GALNT9: variants seen among roughly 807,000 people sequenced by gnomAD.
GALNT9 encodes GalNAc transferase 9.
GALNT9 carries 47 observed loss-of-function variants against 63.1 expected under a neutral mutation model. The observed-to-expected ratio is 0.75, with a 90% CI of 0.59 to 0.95. The LOEUF is 0.95. GALNT9 is among the 40% of genes least tolerant of loss of function. The pLI is 0.00. For missense variants in GALNT9, 829 were observed against 874.8 expected (o/e 0.95, Z 0.66); for synonymous variants, 396 against 365.7 (o/e 1.08, Z -0.94).
chr12:132,261,272 T>C lies in GALNT9; in HGVS notation c.587-150A>G. The C allele has an allele frequency of 1.2e-5, 15 of 1,257,036 alleles. No individual in the cohort carries two copies. In the South Asian group the frequency reaches 2.3e-4, roughly 19 times the overall value. The allele number at this position is 1,257,036 out of a possible 1,614,324, so 77.9% of individuals were successfully genotyped here. A position where few individuals can be genotyped will look rare whatever the true frequency, so the allele number is the denominator to read the frequency against. Reference sequence around the variant, plus strand: ...CCACTGAACCACATGTGGTTCAGCGTGGAGGTCACAGAGAGATGAGACCCC... The same window carrying C: ...CCACTGAACCACATGTGGTTCAGCGCGGAGGTCACAGAGAGATGAGACCCC... On this transcript the variant is annotated intron_variant, in intron 3 of 10. Transcript: ENST00000328957.
chr12:132,260,858 C>T (rs1311431103), intron 4 of GALNT9, 90 bp downstream of exon 4: 36 of 1,428,882 alleles, frequency 2.5e-5, no homozygotes, highest in East Asian at 5.2e-5. Context: ...GCCAACCCAG[C>T]GGCCAGGCTG....
At chr12:132,287,548 C>T (rs1319509743) in intron 1 of GALNT9, among the ~76,000 whole-genome samples, 1 of 152,126 alleles carries the variant, frequency 6.6e-6, no homozygotes, top group Non-Finnish European at 1.5e-5. Flanking sequence ...GACGCCAAGC[C>T]AAAGATCAAC....
At position 132,246,095 on chromosome 12, in the gene GALNT9, G is replaced by C. The variant is rs1878698267; in HGVS notation, c.1077+1815C>G. 6.6e-6 allele frequency among the ~76,000 whole-genome samples: 1 copy of C among 152,236 alleles called. No individual in the cohort carries two copies. Among genetic ancestry groups the C allele is most frequent in the Non-Finnish European group, 1.5e-5 (1 of 68,020 alleles). ...CTGCCCCACAGGGTGAGCATCAGGG[G>C]AGACGGTGAGAGAAGCCGACACCCG... is the stretch of plus-strand genomic sequence containing the variant. On this transcript the variant is annotated intron_variant, in intron 6 of 10. Coordinates refer to ENST00000328957, the MANE Select transcript of GALNT9 (RefSeq NM_001122636.2). This position sits in a 1 kb window ranked among gnomAD's most constrained non-coding sequence, Gnocchi z 4.7.
rs1247752313 is a variant in GALNT9, at chr12:132,315,873, C to G, written c.238+13093G>C. Among the ~76,000 whole-genome samples, 1 of 152,212 alleles carries G rather than the reference C, an allele frequency of 6.6e-6. No homozygotes were observed. The highest frequency in any genetic ancestry group is 1.9e-4 in the East Asian group (1 of 5,202). On this transcript the variant is annotated intron_variant, in intron 1 of 10. Coordinates refer to ENST00000328957, the MANE Select transcript of GALNT9 (RefSeq NM_001122636.2). The surrounding 1 kb of genome is among the most constrained non-coding windows in gnomAD (Gnocchi z 6.1). ...CCCTCTATGCTGGGGCTGCAATAAA[C>G]CCCTGTGCTGGGCCCATTCCGAGAT...
At chr12:132,198,860 C>A (rs1228352886) in intron 9 of GALNT9, among the ~76,000 whole-genome samples, 1 of 152,184 alleles carries the variant, frequency 6.6e-6, no homozygotes, top group African/African-American at 2.4e-5. Flanking sequence ...CCACGCTGCC[C>A]AGACTGGTCT....
rs1383626717 is a variant in GALNT9 at position 132,225,524 on chromosome 12, A to G, written c.1078-21834T>C. On this transcript the variant is annotated intron_variant, in intron 6 of 10. Coordinates refer to ENST00000328957, the MANE Select transcript of GALNT9 (RefSeq NM_001122636.2). ...AATCCACACTCCACACACTGTATAT[A>G]CACATGCCACACACAACACACACCC... Among the ~76,000 whole-genome samples the G allele has an allele frequency of 2.1e-5, 3 of 146,108 alleles. No individual in the cohort carries two copies. In the East Asian group the frequency reaches 6.3e-4, roughly 31 times the overall value.
intron 2 of GALNT9, chr12:132,284,488 A>AT (rs1880510563): frequency 1.3e-5 from 2 of 152,344 alleles, no homozygotes; most frequent in South Asian, 4.1e-4. Context: ...AACTAAATGC[A>AT]TTTTTTATTT....
rs111449196 is a variant in GALNT9 at position 132,279,412 on chromosome 12, C to G, written c.419+6838G>C. On this transcript the variant is annotated intron_variant, in intron 2 of 10. Coordinates refer to ENST00000328957, the MANE Select transcript of GALNT9 (RefSeq NM_001122636.2). The surrounding 1 kb of genome is among the most constrained non-coding windows in gnomAD (Gnocchi z 4.1). ...TTGGAGCGTGAGGACAGAGCTGGGC[C>G]GGTTCCTCCCTGGGATCTCCCCTCC... 1.3e-5 allele frequency: 2 copies of G among 152,354 alleles called. No homozygotes were observed. Among genetic ancestry groups the G allele is most frequent in the Admixed American group, 1.3e-4 (2 of 15,280 alleles). 9.4% of individuals were successfully genotyped at this position (152,354 alleles called of 1,614,324 possible).
At chr12:132,256,792 T>C (rs1034821121) in intron 5 of GALNT9, among the ~76,000 whole-genome samples, 5 of 152,224 alleles carry the variant, frequency 3.3e-5, no homozygotes, top group African/African-American at 1.2e-4. Flanking sequence ...GAGTTGCATC[T>C]GTGCCATGTC....
Position 132,201,269 on chromosome 12 carries a change from G to A in GALNT9, c.1264-8C>T. ...GAAGTCCACCCCTGGGTTCTGCAAG[G>A]CCAGAAGTAGGTGAGAGGGTACATG... On this transcript the variant is annotated splice_region_variant and splice_polypyrimidine_tract_variant and intron_variant, in intron 7 of 10. Coordinates refer to ENST00000328957, the MANE Select transcript of GALNT9 (RefSeq NM_001122636.2). 1 of 1,607,540 alleles carries A rather than the reference G, an allele frequency of 6.2e-7. No individual in the cohort carries two copies. The highest frequency in any genetic ancestry group is 8.5e-7 in the Non-Finnish European group (1 of 1,174,462).
chr12:132,258,845 C>T (rs552581139), intron 4 of GALNT9, among the ~76,000 whole-genome samples: 12 of 152,234 alleles, frequency 7.9e-5, no homozygotes, highest in African/African-American at 1.2e-4. Flanking sequence ...CAGAGGCCCG[C>T]CGTCCACGCT....
At chr12:132,226,069 C>G (rs1877668129) in intron 6 of GALNT9, among the ~76,000 whole-genome samples, 1 of 141,416 alleles carries the variant, frequency 7.1e-6, no homozygotes, top group African/African-American at 2.7e-5. Context: ...ACTGTACATA[C>G]ACATCCCACA....
intron 1 of GALNT9, among the ~76,000 whole-genome samples, chr12:132,291,011 C>G (rs1303359040): frequency 1.3e-5 from 1 of 75,458 alleles, no homozygotes; most frequent in African/African-American, 4.6e-5. Context: ...GTGCCCACGT[C>G]CACACCACCC....
In GALNT9 at chr12:132,262,428, C is replaced by G. The variant is rs1048550540; in HGVS notation, c.586+31G>C. 9.1e-6 allele frequency: 14 copies of G among 1,535,060 alleles called. No individual in the cohort carries two copies. The East Asian group carries it at 9.8e-5, about 11-fold the overall frequency. On this transcript the variant is annotated intron_variant, in intron 3 of 10. Coordinates refer to ENST00000328957, the MANE Select transcript of GALNT9 (RefSeq NM_001122636.2). ...AACCCAGCCACAGGCAGCCGCCCGG[C>G]GAGCACCGTGCCGAGGCCCCGCCCA...
intron 2 of GALNT9, among the ~76,000 whole-genome samples, chr12:132,268,730 A>C (rs1485043546): frequency 6.6e-6 from 1 of 152,184 alleles, no homozygotes; most frequent in Non-Finnish European, 1.5e-5. Context: ...AGACCAGAAC[A>C]GACACGTCAC....
At chr12:132,284,273 G>C (rs1048027394) in intron 2 of GALNT9, 1 of 150,030 alleles carries the variant, frequency 6.7e-6, no homozygotes, top group Middle Eastern at 3.3e-3. Flanking sequence ...AGGTGCACAC[G>C]CACACACCCA....
intron 2 of GALNT9, among the ~76,000 whole-genome samples, chr12:132,264,634 C>T (rs1555240044): frequency 6.6e-6 from 1 of 152,234 alleles, no homozygotes; most frequent in Admixed American, 6.5e-5. Flanking sequence ...GGGCAGCAAA[C>T]CCACCTGTCT....
At chr12:132,298,124 A>G (rs1555243417) in intron 1 of GALNT9, among the ~76,000 whole-genome samples, 1 of 152,130 alleles carries the variant, frequency 6.6e-6, no homozygotes, top group African/African-American at 2.4e-5. Context: ...CAAGATACCT[A>G]GCCCACTCCT....
intron 6 of GALNT9, among the ~76,000 whole-genome samples, chr12:132,217,446 CCATCCATCCCTG>C (rs1290475876): frequency 6.7e-6 from 1 of 150,358 alleles, no homozygotes; most frequent in African/African-American, 2.5e-5. Context: ...ATTCATCTAT[CCATCCATCCCTG>C]CATCCAGCCA....
Sources: allele counts gnomAD v4.1 joint callset (sites outside exome capture counted in the v4.1 genomes callset), GRCh38; gene constraint gnomAD v4.1.1; non-coding constraint Gnocchi (gnomAD v3.1); transcripts MANE v1.5; gene names NCBI Gene and HGNC (gene_info 2026-07-23, HGNC 2026-07-21).